The following RALGDS variants were observed in gnomAD, a reference collection of about 807,000 sequenced individuals.
The protein encoded by RALGDS is ral guanine nucleotide exchange factor.
Under a neutral mutation model 99.8 loss-of-function variants are expected in RALGDS, and 44 were observed. The ratio of observed to expected loss-of-function variants is 0.44; its 90% CI spans 0.35 to 0.57. RALGDS has a LOEUF of 0.57. Ranked by LOEUF, RALGDS falls within the 20% of genes least tolerant of loss-of-function variation. The probability of loss-of-function intolerance (pLI) is 0.01; values close to 1 mark genes in which losing one functional copy is unlikely to be tolerated. For missense variants in RALGDS, 1,022 were observed against 1,203.1 expected, an observed-to-expected ratio of 0.85 and a Z score of 2.23; for synonymous variants, 529 against 505.0, an observed-to-expected ratio of 1.05 and a Z score of -0.64.
At chr9:133,113,766 T>C (rs1346024989) in intron 1 of RALGDS, among the ~76,000 whole-genome samples, 1 of 152,180 alleles carries the variant, frequency 6.6e-6, no homozygotes, top group Non-Finnish European at 1.5e-5. Context: ...GTGAAGGCCG[T>C]TGGCTCAGCT....
rs1832590210 is a variant in RALGDS at position 133,144,461 on chromosome 9, CGT to C, written c.18+4500_18+4501del. Among the ~76,000 whole-genome samples, 1 of 152,222 alleles carries C rather than the reference CGT, an allele frequency of 6.6e-6. No homozygotes were observed. Among genetic ancestry groups the C allele is most frequent in the South Asian group, 2.1e-4 (1 of 4,830 alleles). On this transcript the variant is annotated intron_variant, in intron 1 of 17. Transcript: ENST00000393160. This position sits in a 1 kb window ranked among gnomAD's most constrained non-coding sequence, Gnocchi z 4.5. ...GGCCCCGCCTGGTTTGATTTCCTCC[CGT>C]GTGTGTCACCCATGAGGTGGCCGTG...
chr9:133,105,212 G>C (rs768741943), intron 9 of RALGDS, among the ~76,000 whole-genome samples: 1 of 152,204 alleles, frequency 6.6e-6, no homozygotes, highest in East Asian at 1.9e-4. Context: ...CCACGCAGGA[G>C]GGGGGCCCTA....
intron 1 of RALGDS, chr9:133,129,511 G>A (rs894811135): frequency 7.9e-7 from 1 of 1,259,220 alleles, no homozygotes; most frequent in Non-Finnish European, 1.0e-6. Context: ...GCCAGCCGAG[G>A]ACGAGTGGAG....
At chr9:133,136,833 A>G (rs1223713904) in intron 1 of RALGDS, among the ~76,000 whole-genome samples, 1 of 152,126 alleles carries the variant, frequency 6.6e-6, no homozygotes, top group Non-Finnish European at 1.5e-5. Flanking sequence ...GCTACTCAGG[A>G]GGCTGAGGCA....
At chr9:133,114,498 C>T (rs754882903) in intron 1 of RALGDS, among the ~76,000 whole-genome samples, 6 of 152,168 alleles carry the variant, frequency 3.9e-5, no homozygotes, top group Admixed American at 6.5e-5. Flanking sequence ...CTGGCAGCTG[C>T]CCCAGAACCC....
chr9:133,136,646 G>A (rs804326), intron 1 of RALGDS, among the ~76,000 whole-genome samples: 47,183 of 152,004 alleles, frequency 0.31, 8,013 homozygotes, highest in East Asian at 0.56. Context: ...TGGTGGCGGC[G>A]CCTGTAACCC....
At position 133,100,845 on chromosome 9, in the gene RALGDS, C is replaced by T. The variant is rs545189195; in HGVS notation, c.2455-463G>A. 2.6e-3 allele frequency: 2,759 copies of T among 1,066,784 alleles called. 4 individuals carry two copies. The highest frequency in any genetic ancestry group is 2.9e-3 in the Non-Finnish European group (2,587 of 878,270). The allele number at this position is 1,066,784 out of a possible 1,614,324, so 66.1% of individuals were successfully genotyped here. ...TGAGGGCCAGAGCACAGGCGGAACT[C>T]GGACATAGGGCCACAGGTGACTGCT... On this transcript the variant is annotated intron_variant, in intron 16 of 17. Coordinates refer to ENST00000372050, the MANE Select transcript of RALGDS (RefSeq NM_006266.4).
chr9:133,146,746 C>T (rs778497439), intron 1 of RALGDS, among the ~76,000 whole-genome samples: 1 of 152,272 alleles, frequency 6.6e-6, no homozygotes, highest in African/African-American at 2.4e-5. Flanking sequence ...TCCCCACCTT[C>T]ACCCCTCACT....
chr9:133,129,810 CTTT>C (rs35514711), intron 1 of RALGDS, among the ~76,000 whole-genome samples: 7 of 129,640 alleles, frequency 5.4e-5, no homozygotes, highest in African/African-American at 8.3e-5. Context: ...TTCCTTTCTT[CTTT>C]TTTTTTTTTT....
chr9:133,143,786 C>CAACAATAAT (rs1398814466), intron 1 of RALGDS, among the ~76,000 whole-genome samples: 4 of 125,506 alleles, frequency 3.2e-5, no homozygotes, highest in African/African-American at 1.4e-4. Flanking sequence ...ACAACAACAA[C>CAACAATAAT]AATAATAATA....
At chr9:133,105,433 C>T (rs1411747532) in intron 9 of RALGDS, among the ~76,000 whole-genome samples, 1 of 152,138 alleles carries the variant, frequency 6.6e-6, no homozygotes, top group Non-Finnish European at 1.5e-5. Context: ...ATGGGGCCTC[C>T]AAATCTGCCT....
chr9:133,125,927 C>A (rs764285021), upstream of RALGDS, among the ~76,000 whole-genome samples: 51 of 152,250 alleles, frequency 3.3e-4, no homozygotes, highest in Middle Eastern at 6.8e-3. Flanking sequence ...GGGTTGGGGG[C>A]TCTGCTGTGG....
chr9:133,139,739 G>A (rs996268281), intron 1 of RALGDS, among the ~76,000 whole-genome samples: 3 of 152,212 alleles, frequency 2.0e-5, no homozygotes, highest in Non-Finnish European at 4.4e-5. Context: ...CAAGGGCAGC[G>A]GGAGCTGGTG....
chr9:133,144,519 T>C lies in RALGDS; in HGVS notation c.18+4444A>G, dbSNP rs7867322. On this transcript the variant is annotated intron_variant, in intron 1 of 17. Coordinates refer to the RALGDS transcript ENST00000393160. The surrounding 1 kb of genome is among the most constrained non-coding windows in gnomAD (Gnocchi z 4.5). ...GGCCTGTTTACAGCTGTGCGCAAGC[T>C]CCTCGCGACCCGAAAGCGAGACCTT... Among the ~76,000 whole-genome samples, 48,659 of 151,910 alleles carry C rather than the reference T, an allele frequency of 0.32. 8,122 individuals are homozygous for C. The highest frequency in any genetic ancestry group is 0.4 in the African/African-American group (16,542 of 41,438).
chr9:133,120,894 T>A, intron 1 of RALGDS, 78 bp downstream of exon 1: 1 of 1,358,708 alleles, frequency 7.4e-7, no homozygotes, highest in South Asian at 1.6e-5. Flanking sequence ...CGTCCGGGGC[T>A]CGCCCCGACC....
chr9:133,099,969 A>C (rs2773828), intron 17 of RALGDS: 382,808 of 454,824 alleles, frequency 0.84, 161,653 homozygotes, highest in Admixed American at 0.88. Flanking sequence ...AGCCAGAAAG[A>C]GTCCCTTCCA....
rs549740126 is a variant in RALGDS, at chr9:133,109,253, G to A, written c.584+373C>T. 2.6e-5 allele frequency among the ~76,000 whole-genome samples: 4 copies of A among 152,302 alleles called. No individual in the cohort carries two copies. In the South Asian group the frequency reaches 6.2e-4, roughly 24 times the overall value. ...CTAATCCTGTTCTCCCAGAGGGTGG[G>A]GTGCAGCCTGCCCACTGAGCACTCA... On this transcript the variant is annotated intron_variant, in intron 4 of 17. Coordinates refer to ENST00000372050, the MANE Select transcript of RALGDS (RefSeq NM_006266.4).
intron 10 of RALGDS, 93 bp downstream of exon 10, chr9:133,104,170 G>A (rs1046798503): frequency 9.0e-6 from 12 of 1,336,260 alleles, no homozygotes; most frequent in Non-Finnish European, 1.3e-5. Context: ...TACCTCTAAT[G>A]GGGCCCATAG....
At position 133,146,614 on chromosome 9, in the gene RALGDS, G is replaced by A. The variant is rs562143492; in HGVS notation, c.18+2349C>T. Among the ~76,000 whole-genome samples, 49 of 152,264 alleles carry A rather than the reference G, an allele frequency of 3.2e-4. 2 individuals are homozygous for A. In the South Asian group the frequency reaches 3.7e-3, roughly 12 times the overall value. The stretch of plus-strand genomic sequence containing the variant: ...AGTTGCTGAGTGATCCCCTTCCTCC[G>A]AGGGTGATTGGATTTAGTGACTGGC... On this transcript the variant is annotated intron_variant, in intron 1 of 17. Coordinates refer to the RALGDS transcript ENST00000393160.
Sources: gnomAD v4.1 joint callset for allele counts (sites outside exome capture counted in the v4.1 genomes callset) on GRCh38, gnomAD v4.1.1 for gene constraint, Gnocchi (gnomAD v3.1) non-coding constraint, MANE v1.5 for transcripts, NCBI Gene and HGNC (gene_info 2026-07-23, HGNC 2026-07-21) for gene names.